Variants in CETN3 observed in about 807,000 individuals in gnomAD.
CETN3 encodes centrin-3.
Under a neutral mutation model 20.1 loss-of-function variants are expected in CETN3, and 17 were observed. The ratio of observed to expected loss-of-function variants is 0.85; its 90% CI spans 0.58 to 1.27. The LOEUF is 1.27. Among genes scored for constraint, CETN3 ranks in the 50% most tolerant of loss-of-function variants. The pLI is 0.00. For missense variants in CETN3, 169 were observed against 191.2 expected (o/e 0.88, Z 0.69); for synonymous variants, 52 against 59.7 (o/e 0.87, Z 0.59).
chr5:90,407,572 C>T, intron 2 of CETN3, 127 bp downstream of exon 2: 1 of 586,674 alleles, frequency 1.7e-6, no homozygotes. Context: ...ACTATGAATG[C>T]TTAAAATGCC....
intron 4 of CETN3, among the ~76,000 whole-genome samples, chr5:90,397,867 A>C (rs1251371955): frequency 6.6e-6 from 1 of 152,134 alleles, no homozygotes; most frequent in African/African-American, 2.4e-5. Context: ...TATAGGTATA[A>C]TACTATATCT....
At chr5:90,405,376 C>A in intron 3 of CETN3, 1 of 350,058 alleles carries the variant, frequency 2.9e-6, no homozygotes. Flanking sequence ...TTTTTGATCA[C>A]CCTTCAAGTT....
intron 4 of CETN3, among the ~76,000 whole-genome samples, chr5:90,395,096 C>A (rs1421248473): frequency 6.6e-6 from 1 of 152,158 alleles, no homozygotes; most frequent in African/African-American, 2.4e-5. Context: ...CTCTGCATCT[C>A]ATTTCCTTCA....
intron 3 of CETN3, 140 bp downstream of exon 3, chr5:90,405,545 C>A: frequency 1.8e-6 from 1 of 564,742 alleles, no homozygotes; most frequent in East Asian, 3.2e-5. Flanking sequence ...ACCAACAAAA[C>A]AAAACTGAGT....
intron 1 of CETN3, among the ~76,000 whole-genome samples, chr5:90,409,257 CA>C (rs1383429849): frequency 6.6e-6 from 1 of 152,150 alleles, no homozygotes; most frequent in Non-Finnish European, 1.5e-5. Context: ...TGGGTGATTG[CA>C]TTAGCAGCGG....
At chr5:90,403,590 G>C (rs879675397) in intron 3 of CETN3, among the ~76,000 whole-genome samples, 6 of 152,116 alleles carry the variant, frequency 3.9e-5, no homozygotes, top group Non-Finnish European at 7.4e-5. Context: ...CACAATTTTT[G>C]GCCGGGCGCG....
At chr5:90,395,470 A>T (rs1749117410) in intron 4 of CETN3, among the ~76,000 whole-genome samples, 1 of 151,798 alleles carries the variant, frequency 6.6e-6, no homozygotes, top group African/African-American at 2.4e-5. Context: ...TTAATTAATT[A>T]ATTTAGAGAC....
In CETN3 at chr5:90,399,304, A is replaced by T. The variant is rs2151882414; in HGVS notation, c.460+54T>A. ...AAGTCATTTGGTTTTAGAAAAATGT[A>T]TTACATGTGTAGCATCAGGAAAACC... On this transcript the variant is annotated intron_variant, in intron 4 of 4. Transcript: ENST00000283122. The T allele has an allele frequency of 2.6e-6, 4 of 1,549,832 alleles. No homozygotes were observed. In the African/African-American group the frequency reaches 4.1e-5, roughly 16 times the overall value.
At chr5:90,397,652 T>C (rs563336292) in intron 4 of CETN3, among the ~76,000 whole-genome samples, 8 of 152,238 alleles carry the variant, frequency 5.3e-5, no homozygotes, top group Non-Finnish European at 7.4e-5. Flanking sequence ...TCCATAAACA[T>C]AGAAGTCTAG....
chr5:90,404,716 T>C (rs927285723), intron 3 of CETN3, among the ~76,000 whole-genome samples: 3 of 152,206 alleles, frequency 2.0e-5, no homozygotes, highest in Non-Finnish European at 4.4e-5. Context: ...TCTCTGCGTC[T>C]ACTAATTGCC....
At chr5:90,406,237 C>CT (rs919927831) in intron 2 of CETN3, among the ~76,000 whole-genome samples, 1 of 151,814 alleles carries the variant, frequency 6.6e-6, no homozygotes, top group Non-Finnish European at 1.5e-5. Context: ...AATGATAGGG[C>CT]TAAGGACCCT....
intron 1 of CETN3, 82 bp from the exon 2 acceptor site, chr5:90,407,916 T>A: frequency 2.5e-6 from 3 of 1,218,058 alleles, no homozygotes; most frequent in Non-Finnish European, 3.3e-6. Flanking sequence ...CCTTCTAAAT[T>A]TCAAAAAAGA....
chr5:90,394,044 G>C lies in CETN3; in HGVS notation c.*20C>G. Reference sequence around the variant, plus strand: ...TAAGATGGTAACTGCAACATTCTTAGTGTTTATCCTTGTAATTCTTTAAAT... The same window carrying C: ...TAAGATGGTAACTGCAACATTCTTACTGTTTATCCTTGTAATTCTTTAAAT... On this transcript the variant is annotated 3_prime_UTR_variant, in exon 5 of 5. Coordinates refer to ENST00000283122, the MANE Select transcript of CETN3 (RefSeq NM_004365.4). The C allele has an allele frequency of 6.7e-7, 1 of 1,487,370 alleles. No homozygotes were observed. The highest frequency in any genetic ancestry group is 9.3e-7 in the Non-Finnish European group (1 of 1,075,114). The allele number at this position is 1,487,370 out of a possible 1,614,324, so 92.1% of individuals were successfully genotyped here. A position where few individuals can be genotyped will look rare whatever the true frequency, so the allele number is the denominator to read the frequency against.
chr5:90,397,968 T>C (rs1477604516), intron 4 of CETN3, among the ~76,000 whole-genome samples: 1 of 152,146 alleles, frequency 6.6e-6, no homozygotes, highest in African/African-American at 2.4e-5. Flanking sequence ...AACATCATCA[T>C]TATTTAAAAG....
intron 4 of CETN3, chr5:90,396,615 ATCATT>A: frequency 7.3e-7 from 1 of 1,364,060 alleles, no homozygotes; most frequent in East Asian, 2.5e-5. Flanking sequence ...TTGATTACAA[ATCATT>A]TTAACAGTGT....
At chr5:90,401,549 C>T (rs533925110) in intron 3 of CETN3, among the ~76,000 whole-genome samples, 12 of 152,210 alleles carry the variant, frequency 7.9e-5, no homozygotes, top group East Asian at 5.8e-4. Flanking sequence ...CTTAAGAATA[C>T]GGCAAATCCA....
intron 3 of CETN3, among the ~76,000 whole-genome samples, chr5:90,401,412 T>A (rs1381875782): frequency 6.6e-6 from 1 of 152,178 alleles, no homozygotes; most frequent in Non-Finnish European, 1.5e-5. Flanking sequence ...TAAGGTGGGT[T>A]TCATTTATTT....
chr5:90,396,339 A>G, intron 4 of CETN3: 1 of 984,740 alleles, frequency 1.0e-6, no homozygotes, highest in Non-Finnish European at 1.2e-6. Context: ...ACTCCAAACT[A>G]CTTTCAAGAA....
At chr5:90,397,705 G>C (rs980663661) in intron 4 of CETN3, among the ~76,000 whole-genome samples, 1 of 152,042 alleles carries the variant, frequency 6.6e-6, no homozygotes, top group Non-Finnish European at 1.5e-5. Flanking sequence ...ACAATATTAC[G>C]TTTAAAAGCA....
Sources: allele counts gnomAD v4.1 joint callset (sites outside exome capture counted in the v4.1 genomes callset), GRCh38; gene constraint gnomAD v4.1.1; transcripts MANE v1.5; gene names NCBI Gene and HGNC (gene_info 2026-07-23, HGNC 2026-07-21).